Variants in AHNAK observed in about 807,000 individuals in gnomAD.
AHNAK encodes the protein AHNAK nucleoprotein.
Under a neutral mutation model 37.8 loss-of-function variants are expected in AHNAK, and 23 were observed. That is an observed-to-expected ratio of 0.61 (90% CI 0.44 to 0.86). AHNAK has a LOEUF of 0.86. Ranked by LOEUF, AHNAK falls within the 40% of genes least tolerant of loss-of-function variation. The pLI, the probability that AHNAK is intolerant of heterozygous loss-of-function variation, is 0.00. For synonymous variants in AHNAK, 2,481 were observed against 2,636.3 expected (o/e 0.94, Z 1.80); for missense variants, 7,411 against 7,319.4 (o/e 1.01, Z -0.46).
chr11:62,534,228 G>A (rs528776073), intron 4 of AHNAK, among the ~76,000 whole-genome samples, 154 bp from the exon 5 acceptor site: 1 of 152,218 alleles, frequency 6.6e-6, no homozygotes, highest in Non-Finnish European at 1.5e-5. Context: ...CAGCACAGGG[G>A]AGTGAAGAAA....
Position 62,532,138 on chromosome 11 carries a change from G to A in AHNAK, c.2279C>T (p.Pro760Leu), listed in dbSNP as rs202213954. The A allele has an allele frequency of 2.5e-6, 4 of 1,613,586 alleles. No homozygotes were observed. The Admixed American group carries it at 5.0e-5, about 20-fold the overall frequency. Residue 760 changes from proline to leucine, a missense_variant, in exon 5 of 5, where the codon CCA (proline) becomes CTA (leucine). Coordinates refer to ENST00000378024, the MANE Select transcript of AHNAK (RefSeq NM_001620.3). The stretch of plus-strand genomic sequence containing the variant: ...TTCTGGGCCCTCTGCTTTGAACCCT[G>A]GCACACTGAATTTGGGCATTTTCAT... Reference protein sequence around the residue: ...PKMKMPKFSVPGFKAEGPEVD... With the variant: ...PKMKMPKFSVLGFKAEGPEVD...
chr11:62,458,198 G>A (rs147448343), intron 5 of AHNAK, among the ~76,000 whole-genome samples: 1,539 of 152,186 alleles, frequency 0.01, 8 homozygotes, highest in Non-Finnish European at 0.018. Context: ...GATTATAGGC[G>A]TGAGCCACTG....
intron 1 of AHNAK, among the ~76,000 whole-genome samples, chr11:62,546,453 C>T (rs1941314986): frequency 6.6e-6 from 1 of 152,248 alleles, no homozygotes; most frequent in African/African-American, 2.4e-5. Context: ...CTTTAACCAA[C>T]TTGCGCCCCA....
chr11:62,508,387 G>T (rs760905210), intron 4 of AHNAK, among the ~76,000 whole-genome samples: 2 of 152,156 alleles, frequency 1.3e-5, no homozygotes, highest in African/African-American at 4.8e-5. Flanking sequence ...TGTAAGATAG[G>T]GTCAGCAAAT....
At position 62,526,216 on chromosome 11, in the gene AHNAK, C is replaced by A; in HGVS notation, c.8201G>T (p.Gly2734Val). ...GTCAACTTCTGGGCCCTTGAGGTCA[C>A]CTTCCACTTTAGGAAGGGAAACATC... ...DVDVSLPKVE[G>V]DLKGPEVDIK... The change falls in exon 5 of 5, where the codon GGT (glycine) becomes GTT (valine). Residue 2734 changes from glycine to valine, a missense_variant. Gly to Val is a moderately radical substitution (Grantham distance 109). Coordinates refer to ENST00000378024, the MANE Select transcript of AHNAK (RefSeq NM_001620.3). 1.9e-6 allele frequency: 3 copies of A among 1,613,898 alleles called. No homozygotes were observed. Among genetic ancestry groups the A allele is most frequent in the Middle Eastern group, 1.6e-4 (1 of 6,062 alleles).
Position 62,516,685 on chromosome 11 carries a change from A to T in AHNAK, c.*59T>A. 1 of 1,523,858 alleles carries T rather than the reference A, an allele frequency of 6.6e-7. No homozygotes were observed. The highest frequency in any genetic ancestry group is 8.8e-7 in the Non-Finnish European group (1 of 1,141,046). 94.4% of individuals were successfully genotyped at this position (1,523,858 alleles called of 1,614,324 possible). ...CCCTTTGGAGTTTATATAGGAACAC[A>T]CCACCCAAGGCTGATGTTTTGTTAT... On this transcript the variant is annotated 3_prime_UTR_variant, in exon 5 of 5. Transcript: ENST00000378024.
rs141151380 is a variant in AHNAK, at chr11:62,517,930, C to T, written c.16487G>A (p.Gly5496Glu). 2.0e-3 allele frequency: 3,150 copies of T among 1,614,212 alleles called. 17 individuals are homozygous for T. Among genetic ancestry groups the T allele is most frequent in the Middle Eastern group, 0.01 (62 of 6,062 alleles). Residue 5496 changes from glycine to glutamate, a missense_variant, in exon 5 of 5, where the codon GGA becomes GAA. Transcript: ENST00000378024. ...CACATCACATCCAGAGGACTTAATT[C>T]CAGGCATCTGGAGGTTTCCTTCTAG... ...QGLEGNLQMP[G>E]IKSSGCDVNL...
chr11:62,444,986 A>G (rs1938394339), intron 5 of AHNAK, among the ~76,000 whole-genome samples: 2 of 152,194 alleles, frequency 1.3e-5, no homozygotes, highest in African/African-American at 4.8e-5. Context: ...ACCTCCTCCA[A>G]CAACACAGGA....
In AHNAK at chr11:62,527,689, A is replaced by G. The variant is rs1246456691; in HGVS notation, c.6728T>C (p.Met2243Thr). The change falls in exon 5 of 5, where the codon ATG becomes ACG. Residue 2243 changes from methionine to threonine, a missense_variant. Transcript: ENST00000378024. ...GAACTTGGGCATTTTCATCTTAGGC[A>G]TCTTCAGGTGCCAGTCTGGGCCATG... ...DVHGPDWHLK[M>T]PKMKMPKFSM... 1.2e-6 allele frequency: 2 copies of G among 1,613,918 alleles called. No individual in the cohort carries two copies. The highest frequency in any genetic ancestry group is 1.7e-6 in the Non-Finnish European group (2 of 1,180,008).
At position 62,521,438 on chromosome 11, in the gene AHNAK, G is replaced by C. The variant is rs745662817; in HGVS notation, c.12979C>G (p.Pro4327Ala). 13 of 1,613,376 alleles carry C rather than the reference G, an allele frequency of 8.1e-6. No homozygotes were observed. The highest frequency in any genetic ancestry group is 4.0e-5 in the African/African-American group (3 of 74,652). The change falls in exon 5 of 5, where the codon CCA becomes GCA. Residue 4327 changes from proline to alanine, a missense_variant. Physicochemically the swap from Pro to Ala is conservative, Grantham distance 27 (BLOSUM62 -1). Coordinates refer to ENST00000378024, the MANE Select transcript of AHNAK (RefSeq NM_001620.3). The part of the protein sequence containing the change: ...PKVKMPKFSM[P>A]GFKGEGPDVD... ...TCTGGGCCCTCTCCTTTGAATCCTG[G>C]CATGCTGAATTTGGGCATTTTCACC...
At chr11:62,495,795 T>G (rs564447571) in intron 4 of AHNAK, among the ~76,000 whole-genome samples, 2 of 143,740 alleles carry the variant, frequency 1.4e-5, no homozygotes, top group Admixed American at 7.2e-5. Flanking sequence ...ATGCCTGTAA[T>G]CCCAGAACTT....
chr11:62,540,395 T>C (rs1474944711), intron 1 of AHNAK, among the ~76,000 whole-genome samples: 1 of 152,066 alleles, frequency 6.6e-6, no homozygotes, highest in Non-Finnish European at 1.5e-5. Context: ...GCCTGTTACT[T>C]AAGGATGGAG....
At chr11:62,471,054 T>G (rs1317268125) in intron 5 of AHNAK, among the ~76,000 whole-genome samples, 1 of 152,136 alleles carries the variant, frequency 6.6e-6, no homozygotes, top group African/African-American at 2.4e-5. Context: ...GGGAGAAACT[T>G]TTGTCAGGCA....
chr11:62,531,554 T>G lies in AHNAK; in HGVS notation c.2863A>C (p.Met955Leu). The change falls in exon 5 of 5, where the codon ATG (methionine) becomes CTG (leucine). Residue 955 changes from methionine to leucine, a missense_variant. Physicochemically the swap from Met to Leu is conservative, Grantham distance 15. Coordinates refer to ENST00000378024, the MANE Select transcript of AHNAK (RefSeq NM_001620.3). ...TCTCCCTTTACTTTAGGACCTTTCA[T>G]ATGCAAGTCCACATCAGGCATGGAG... The part of the protein sequence containing the change: ...KISMPDVDLH[M>L]KGPKVKGEYD... 1 of 1,614,050 alleles carries G rather than the reference T, an allele frequency of 6.2e-7. No homozygotes were observed. Among genetic ancestry groups the G allele is most frequent in the Non-Finnish European group, 8.5e-7 (1 of 1,179,996 alleles).
At chr11:62,435,707 C>T (rs1938152963) in intron 5 of AHNAK, among the ~76,000 whole-genome samples, 1 of 152,164 alleles carries the variant, frequency 6.6e-6, no homozygotes, top group Admixed American at 6.6e-5. Context: ...GCCACCGCAC[C>T]CGGCCTATTT....
chr11:62,533,825 C>G lies in AHNAK; in HGVS notation c.592G>C (p.Glu198Gln). 6.2e-7 allele frequency: 1 copy of G among 1,614,154 alleles called. No homozygotes were observed. The change falls in exon 5 of 5, where the codon GAG becomes CAG. Residue 198 changes from glutamate to glutamine, a missense_variant. Physicochemically the swap from Glu to Gln is conservative, Grantham distance 29 (BLOSUM62 2). Coordinates refer to ENST00000378024, the MANE Select transcript of AHNAK (RefSeq NM_001620.3). ...ELTEISNVDV[E>Q]TQSGKTVIRL... ...ATCACGGTCTTCCCAGACTGGGTCT[C>G]CACATCCACATTGGAGATTTCAGTC...
In AHNAK at chr11:62,530,735, C is replaced by G. The variant is rs1940710209; in HGVS notation, c.3682G>C (p.Asp1228His). 5.0e-6 allele frequency: 8 copies of G among 1,614,104 alleles called. No homozygotes were observed. Among genetic ancestry groups the G allele is most frequent in the South Asian group, 1.1e-5 (1 of 91,078 alleles). The stretch of plus-strand genomic sequence containing the variant: ...ATTTTGGGTCCTTTGATTTCAACAT[C>G]TGGCACTTTCATTTCACCTTCTACC... ...PKVEGEMKVPDVEIKGPKMDI... is the reference protein window; with the variant it reads ...PKVEGEMKVPHVEIKGPKMDI... The change falls in exon 5 of 5, where the codon GAT (aspartate) becomes CAT (histidine). Residue 1228 changes from aspartate (D) to histidine (H), a missense_variant. Physicochemically the swap from Asp to His is moderately conservative, Grantham distance 81. Coordinates refer to ENST00000378024, the MANE Select transcript of AHNAK (RefSeq NM_001620.3).
rs143105736 is a variant in AHNAK at position 62,526,055 on chromosome 11, C to A, written c.8362G>T (p.Val2788Leu). The change falls in exon 5 of 5, where the codon GTG (valine) becomes TTG (leucine). Residue 2788 changes from valine to leucine, a missense_variant. Val to Leu is a conservative substitution (Grantham distance 32, BLOSUM62 1). Coordinates refer to ENST00000378024, the MANE Select transcript of AHNAK (RefSeq NM_001620.3). ...GFKGEGPDVD[V>L]NLPKADIDVS... Reference sequence around the variant, plus strand: ...TCAATGTCAGCCTTGGGCAGGTTCACGTCCACATCTGGACCTTCTCCTTTG... The same window carrying A: ...TCAATGTCAGCCTTGGGCAGGTTCAAGTCCACATCTGGACCTTCTCCTTTG... 13 of 1,613,586 alleles carry A rather than the reference C, an allele frequency of 8.1e-6. No homozygotes were observed. Among genetic ancestry groups the A allele is most frequent in the African/African-American group, 2.7e-5 (2 of 74,732 alleles).
intron 4 of AHNAK, 150 bp from the exon 5 acceptor site, chr11:62,534,224 A>G (rs879559773): frequency 7.2e-6 from 5 of 694,048 alleles, no homozygotes; most frequent in Non-Finnish European, 1.1e-5. Flanking sequence ...GGCACAGCAC[A>G]GGGGAGTGAA....
Sources: allele counts gnomAD v4.1 joint callset (sites outside exome capture counted in the v4.1 genomes callset), GRCh38; gene constraint gnomAD v4.1.1; transcripts MANE v1.5; gene names NCBI Gene and HGNC (gene_info 2026-07-23, HGNC 2026-07-21).